ARL13B: variants seen among roughly 807,000 people sequenced by gnomAD.
ARL13B encodes ADP-ribosylation factor-like protein 13B.
A neutral mutation model predicts 56.1 loss-of-function variants in ARL13B; 36 were observed. The ratio of observed to expected loss-of-function variants is 0.64; its 90% CI spans 0.49 to 0.85. The LOEUF is 0.85. ARL13B is among the 40% of genes least tolerant of loss of function. ARL13B has a pLI of 0.00. For synonymous variants in ARL13B, 178 were observed against 171.1 expected (o/e 1.04, Z -0.32); for missense variants, 519 against 507.1 (o/e 1.02, Z -0.23).
intron 2 of ARL13B, among the ~76,000 whole-genome samples, chr3:94,001,265 A>G (rs1316384188): frequency 2.0e-5 from 3 of 152,188 alleles, no homozygotes; most frequent in Non-Finnish European, 2.9e-5. Flanking sequence ...CATATATCAA[A>G]AGAAACAGGC....
At chr3:94,048,102 C>T (rs533839310) in intron 7 of ARL13B, 1 of 152,374 alleles carries the variant, frequency 6.6e-6, no homozygotes, top group South Asian at 2.1e-4. Context: ...AATCCCAGCA[C>T]TTTGGGAAGC....
At chr3:94,012,085 A>T (rs753935100) in intron 3 of ARL13B, among the ~76,000 whole-genome samples, 1 of 151,958 alleles carries the variant, frequency 6.6e-6, no homozygotes. Flanking sequence ...AGTTTCAGTT[A>T]GTTTCTTTTA....
At chr3:94,029,742 CTT>C (rs1258685269) in intron 3 of ARL13B, among the ~76,000 whole-genome samples, 1 of 152,074 alleles carries the variant, frequency 6.6e-6, no homozygotes, top group African/African-American at 2.4e-5. Context: ...TTATAGCACT[CTT>C]TGTAAAAACA....
intron 1 of ARL13B, among the ~76,000 whole-genome samples, chr3:93,993,963 A>G (rs1575938973): frequency 1.3e-5 from 2 of 152,258 alleles, no homozygotes; most frequent in South Asian, 4.1e-4. Flanking sequence ...ATTGTGATTT[A>G]CCTTATTCTT....
At chr3:94,035,301 C>A in intron 3 of ARL13B, 30 bp from the exon 4 acceptor site, 1 of 1,315,556 alleles carries the variant, frequency 7.6e-7, no homozygotes. Flanking sequence ...TATATATATG[C>A]TGTATAAAAG....
intron 6 of ARL13B, among the ~76,000 whole-genome samples, chr3:94,042,265 A>G (rs909962746): frequency 6.6e-6 from 1 of 151,968 alleles, no homozygotes; most frequent in Admixed American, 6.6e-5. Flanking sequence ...TCATTGATTC[A>G]TTTTTTCTGA....
chr3:94,049,572 C>CA, intron 8 of ARL13B, 50 bp downstream of exon 8: 2 of 993,488 alleles, frequency 2.0e-6, no homozygotes, highest in Admixed American at 2.7e-5. Flanking sequence ...CTTTAAACAA[C>CA]AGAGAAAAAA....
At position 94,003,713 on chromosome 3, in the gene ARL13B, A is replaced by T. The variant is rs747297941; in HGVS notation, c.185A>T (p.Gln62Leu). The stretch of plus-strand genomic sequence containing the variant: ...GGATTTTCAAAAATTAACCTTAGAC[A>T]AGGAAAGTTTGAAGTCACCATCTTT... ...TVGFSKINLR[Q>L]GKFEVTIFDL... Residue 62 changes from glutamine to leucine, a missense_variant, in exon 3 of 10, where the codon CAA becomes CTA. Coordinates refer to ENST00000394222, the MANE Select transcript of ARL13B (RefSeq NM_001174150.2). 1 of 1,613,636 alleles carries T rather than the reference A, an allele frequency of 6.2e-7. No individual in the cohort carries two copies. Among genetic ancestry groups the T allele is most frequent in the Non-Finnish European group, 8.5e-7 (1 of 1,179,658 alleles).
At chr3:94,029,334 A>ATTTTTTTTTTT (rs71105171) in intron 3 of ARL13B, among the ~76,000 whole-genome samples, 1 of 53,438 alleles carries the variant, frequency 1.9e-5, no homozygotes, top group African/African-American at 9.3e-5. Context: ...ATATATATAT[A>ATTTTTTTTTTT]TTTATTTTTT....
At chr3:94,001,549 C>A (rs527834934) in intron 2 of ARL13B, among the ~76,000 whole-genome samples, 1 of 152,244 alleles carries the variant, frequency 6.6e-6, no homozygotes, top group East Asian at 1.9e-4. Context: ...TTTCACCTTC[C>A]TTCCCTTGAA....
chr3:94,018,076 A>G (rs1240266937), intron 3 of ARL13B, among the ~76,000 whole-genome samples: 7 of 152,176 alleles, frequency 4.6e-5, no homozygotes, highest in South Asian at 4.1e-4. Context: ...AAAAAATTTT[A>G]AACTGATACA....
intron 2 of ARL13B, among the ~76,000 whole-genome samples, chr3:93,997,527 C>G (rs190447572): frequency 1.3e-5 from 2 of 152,306 alleles, no homozygotes; most frequent in Admixed American, 6.5e-5. Flanking sequence ...ATGCTATCTT[C>G]TACGTTATAT....
chr3:94,039,513 A>AG (rs1430401961), intron 5 of ARL13B, among the ~76,000 whole-genome samples: 1 of 151,766 alleles, frequency 6.6e-6, no homozygotes, highest in African/African-American at 2.4e-5. Context: ...AAAAAAAAAA[A>AG]AAAAAAAGAA....
Position 94,014,662 on chromosome 3 carries a change from T to C in ARL13B, c.380+10754T>C, listed in dbSNP as rs768383228. 4.9e-5 allele frequency: 79 copies of C among 1,613,522 alleles called. 1 individual carries two copies. The highest frequency in any genetic ancestry group is 7.7e-5 in the South Asian group (7 of 90,984). Reference sequence around the variant, plus strand: ...CTCTGAAAGTTGTGCTTTAGTGATATTGATTTCTGTAAGTAAGCTTTCATT... The same window carrying C: ...CTCTGAAAGTTGTGCTTTAGTGATACTGATTTCTGTAAGTAAGCTTTCATT... On this transcript the variant is annotated intron_variant, in intron 3 of 9. Transcript: ENST00000394222.
At chr3:93,990,634 C>CT (rs1018385919) in intron 1 of ARL13B, among the ~76,000 whole-genome samples, 116 of 152,236 alleles carry the variant, frequency 7.6e-4, no homozygotes, top group African/African-American at 2.6e-3. Flanking sequence ...GATTTTTGGA[C>CT]TAGGGATGCT....
At position 94,049,476 on chromosome 3, in the gene ARL13B, T is replaced by A. The variant is rs750533848; in HGVS notation, c.1095T>A (p.Asp365Glu). 1 of 1,612,024 alleles carries A rather than the reference T, an allele frequency of 6.2e-7. No homozygotes were observed. The highest frequency in any genetic ancestry group is 1.1e-5 in the South Asian group (1 of 90,516). ...ACCGGGTAGAACCACTTAATATAGATGACTGTGCTCCTGAGAGTCCAACGC... is the reference window on the plus strand; with the variant it reads ...ACCGGGTAGAACCACTTAATATAGAAGACTGTGCTCCTGAGAGTCCAACGC... ...RNHRVEPLNI[D>E]DCAPESPTPP... The change falls in exon 8 of 10, where the codon GAT (aspartate) becomes GAA (glutamate). Residue 365 changes from aspartate (D) to glutamate (E), a missense_variant. Physicochemically the swap from Asp to Glu is conservative, Grantham distance 45 (BLOSUM62 2). Transcript: ENST00000394222.
At chr3:94,012,942 G>A (rs2076250465) in intron 3 of ARL13B, among the ~76,000 whole-genome samples, 1 of 152,154 alleles carries the variant, frequency 6.6e-6, no homozygotes, top group Admixed American at 6.5e-5. Context: ...AGAAAAATCT[G>A]AGATCCTTGT....
Position 94,054,591 on chromosome 3 carries a change from A to G in ARL13B, c.*1328A>G, listed in dbSNP as rs538653870. 13 of 394,824 alleles carry G rather than the reference A, an allele frequency of 3.3e-5. No homozygotes were observed. Among genetic ancestry groups the G allele is most frequent in the Non-Finnish European group, 5.4e-5 (11 of 203,446 alleles). 24.5% of individuals were successfully genotyped at this position (394,824 alleles called of 1,614,324 possible). A position where few individuals can be genotyped will look rare whatever the true frequency, so the allele number is the denominator to read the frequency against. ...ACTGACACAACAGACATGTGCTAGT[A>G]TCTGATAACATTAAGTACATTTTAT... On this transcript the variant is annotated 3_prime_UTR_variant, in exon 10 of 10. Coordinates refer to ENST00000394222, the MANE Select transcript of ARL13B (RefSeq NM_001174150.2).
chr3:94,006,453 C>T (rs62266152), intron 3 of ARL13B, among the ~76,000 whole-genome samples: 29,237 of 151,920 alleles, frequency 0.19, 3,279 homozygotes, highest in Non-Finnish European at 0.25. Context: ...TACTGTCTTA[C>T]TATCGTTTGA....
Sources: allele counts gnomAD v4.1 joint callset (sites outside exome capture counted in the v4.1 genomes callset), GRCh38; gene constraint gnomAD v4.1.1; transcripts MANE v1.5; gene names NCBI Gene and HGNC (gene_info 2026-07-23, HGNC 2026-07-21).